The following SCP2 variants were observed in gnomAD, a reference collection of about 807,000 sequenced individuals.
The protein encoded by SCP2 is SCP-2/3-oxoacyl-CoA thiolase.
A neutral mutation model predicts 71.4 loss-of-function variants in SCP2; 48 were observed. The observed-to-expected ratio is 0.67, with a 90% CI of 0.53 to 0.86. SCP2 has a LOEUF of 0.86. Ranked by LOEUF, SCP2 falls within the 40% of genes least tolerant of loss-of-function variation. The pLI is 0.00. For synonymous variants in SCP2, 220 were observed against 218.1 expected, an observed-to-expected ratio of 1.01 and a Z score of -0.08; for missense variants, 560 against 655.6, an observed-to-expected ratio of 0.85 and a Z score of 1.59.
At chr1:53,038,552 G>A (rs184516837) in intron 13 of SCP2, among the ~76,000 whole-genome samples, 88 of 152,082 alleles carry the variant, frequency 5.8e-4, no homozygotes, top group Middle Eastern at 3.4e-3. Flanking sequence ...CCACAGGCAT[G>A]CACCACCATG....
intron 3 of SCP2, 78 bp from the exon 4 acceptor site, chr1:52,950,677 A>G: frequency 2.5e-6 from 3 of 1,211,570 alleles, no homozygotes; most frequent in Non-Finnish European, 3.7e-6. Flanking sequence ...TATAATATTG[A>G]AAAAACCCAT....
intron 11 of SCP2, among the ~76,000 whole-genome samples, chr1:53,000,811 C>G (rs115591365): frequency 1.3e-5 from 2 of 151,888 alleles, no homozygotes; most frequent in African/African-American, 4.8e-5. Flanking sequence ...AAAAATTAGC[C>G]GGGCCTGATG....
rs986457199 is a variant in SCP2, at chr1:52,988,065, C to T, written c.1010C>T (p.Thr337Ile). 1.9e-6 allele frequency: 3 copies of T among 1,606,024 alleles called. No homozygotes were observed. Among genetic ancestry groups the T allele is most frequent in the Non-Finnish European group, 2.6e-6 (3 of 1,173,094 alleles). The change falls in exon 11 of 16, where the codon ACA becomes ATA. Residue 337 changes from threonine (T) to isoleucine (I), a missense_variant. Thr to Ile is a moderately conservative substitution (Grantham distance 89). This residue lies in a region of SCP2 where 513 missense variants were observed against 573.1 expected (regional missense o/e 0.90). Transcript: ENST00000371514. ...GATLVDRGDN[T>I]YGGKWVINPS... ...ACGCTGGTTGATAGAGGAGATAATA[C>T]ATATGGAGGAAAGTGGGTCATAAAT...
At chr1:53,046,009 G>T (rs2150275153) in intron 14 of SCP2, among the ~76,000 whole-genome samples, 1 of 152,308 alleles carries the variant, frequency 6.6e-6, no homozygotes, top group South Asian at 2.1e-4. Context: ...CATGGATCAT[G>T]AAGTATTTTA....
At chr1:53,011,093 G>A (rs1204341392) in intron 11 of SCP2, among the ~76,000 whole-genome samples, 2 of 152,170 alleles carry the variant, frequency 1.3e-5, no homozygotes, top group Non-Finnish European at 2.9e-5. Flanking sequence ...TGTATGCTGA[G>A]TCTATGAAAA....
At chr1:53,025,933 C>G (rs1662099960) in intron 12 of SCP2, among the ~76,000 whole-genome samples, 1 of 152,154 alleles carries the variant, frequency 6.6e-6, no homozygotes, top group African/African-American at 2.4e-5. Context: ...TCACTCTCCC[C>G]ACACCTACTG....
At chr1:52,975,530 C>G (rs999805442) in intron 7 of SCP2, among the ~76,000 whole-genome samples, 7 of 151,988 alleles carry the variant, frequency 4.6e-5, no homozygotes, top group African/African-American at 1.7e-4. Flanking sequence ...TGGTCTTGAA[C>G]TCCTGACCTC....
chr1:53,011,018 G>A (rs147525205), intron 11 of SCP2, among the ~76,000 whole-genome samples: 5 of 152,274 alleles, frequency 3.3e-5, no homozygotes, highest in African/African-American at 9.6e-5. Context: ...TCACATGGAC[G>A]TGCGTGACAA....
intron 10 of SCP2, among the ~76,000 whole-genome samples, chr1:52,985,538 C>G (rs1031653818): frequency 6.6e-6 from 1 of 152,178 alleles, no homozygotes; most frequent in Non-Finnish European, 1.5e-5. Flanking sequence ...TGGCTGGTCC[C>G]GTGCTTCTGC....
At chr1:52,937,729 A>G (rs1653863789) in intron 1 of SCP2, among the ~76,000 whole-genome samples, 1 of 152,228 alleles carries the variant, frequency 6.6e-6, no homozygotes, top group South Asian at 2.1e-4. Flanking sequence ...ATAGAACAGG[A>G]AATACTGATG....
chr1:53,004,705 C>T (rs12080172), intron 11 of SCP2, among the ~76,000 whole-genome samples: 3 of 152,104 alleles, frequency 2.0e-5, no homozygotes, highest in Admixed American at 6.5e-5. Context: ...CAGCTCCCAG[C>T]GTGAGTGACG....
chr1:52,948,192 C>A, intron 3 of SCP2, 112 bp downstream of exon 3: 1 of 767,882 alleles, frequency 1.3e-6, no homozygotes, highest in South Asian at 1.5e-5. Flanking sequence ...AGAATTCATT[C>A]AATTATATTT....
chr1:53,018,909 G>A, intron 12 of SCP2, among the ~76,000 whole-genome samples: 1 of 151,972 alleles, frequency 6.6e-6, no homozygotes, highest in East Asian at 1.9e-4. Flanking sequence ...TAGCTGTCAT[G>A]TCTCTTTAGT....
At chr1:52,974,870 G>T (rs770055987) in intron 7 of SCP2, 38 bp downstream of exon 7, 2 of 984,206 alleles carry the variant, frequency 2.0e-6, no homozygotes, top group East Asian at 2.4e-5. Flanking sequence ...GAAAATCTGG[G>T]TTATCCTACT....
intron 14 of SCP2, among the ~76,000 whole-genome samples, chr1:53,046,330 C>CTTTTTTTTTT (rs749725244): frequency 8.3e-6 from 1 of 120,914 alleles, no homozygotes; most frequent in African/African-American, 3.0e-5. Context: ...TGGGTATTGT[C>CTTTTTTTTTT]TTTTTTTTTT....
In SCP2 at chr1:53,030,679, G is replaced by A. The variant is rs148362086; in HGVS notation, c.1338+2608G>A. Among the ~76,000 whole-genome samples, 1,137 of 152,000 alleles carry A rather than the reference G, an allele frequency of 7.5e-3. 5 individuals are homozygous for A. Among genetic ancestry groups the A allele is most frequent in the African/African-American group, 0.011 (446 of 41,472 alleles). ...GGCTGAGGCGGGTGGATCACTTGATGTCAGGAGTTCAAGACCAACCTGGCC... is the reference window on the plus strand; with the variant it reads ...GGCTGAGGCGGGTGGATCACTTGATATCAGGAGTTCAAGACCAACCTGGCC... On this transcript the variant is annotated intron_variant, in intron 13 of 15. Coordinates refer to ENST00000371514, the MANE Select transcript of SCP2 (RefSeq NM_002979.5).
chr1:52,993,679 A>G (rs1028223507), intron 11 of SCP2: 16 of 1,612,070 alleles, frequency 9.9e-6, no homozygotes, highest in Non-Finnish European at 1.4e-5. Flanking sequence ...CATTGGTTGG[A>G]TCATAATCCG....
At chr1:52,977,727 G>T (rs765048415) in intron 8 of SCP2, among the ~76,000 whole-genome samples, 1 of 152,170 alleles carries the variant, frequency 6.6e-6, no homozygotes, top group South Asian at 2.1e-4. Context: ...TTGGAAGGCC[G>T]AGGCGGGCGG....
intron 11 of SCP2, among the ~76,000 whole-genome samples, chr1:52,990,015 G>A (rs1659329091): frequency 6.6e-6 from 1 of 152,200 alleles, no homozygotes; most frequent in Admixed American, 6.5e-5. Flanking sequence ...CATTATGCAG[G>A]TAGAGGTCCA....
Sources: allele counts gnomAD v4.1 joint callset (sites outside exome capture counted in the v4.1 genomes callset), GRCh38; gene constraint gnomAD v4.1.1; regional missense constraint gnomAD v4.1.1; transcripts MANE v1.5; gene names NCBI Gene and HGNC (gene_info 2026-07-23, HGNC 2026-07-21).